Variants in DHX36 observed in about 807,000 individuals in gnomAD.
The protein encoded by DHX36 is ATP-dependent DNA/RNA helicase DHX36.
In DHX36, 50 loss-of-function variants were observed where a neutral mutation model predicts 139.0. The observed-to-expected ratio is 0.36, with a 90% CI of 0.29 to 0.46. The LOEUF is 0.46. DHX36 is among the 20% of genes least tolerant of loss of function. DHX36 has a pLI of 1.00. For synonymous variants in DHX36, 425 were observed against 401.9 expected (o/e 1.06, Z -0.69); for missense variants, 1,024 against 1,211.3 (o/e 0.85, Z 2.29).
In DHX36 at chr3:154,292,672, A is replaced by G. The variant is rs751332755; in HGVS notation, c.1693T>C (p.Tyr565His). The G allele has an allele frequency of 8.7e-6, 14 of 1,613,792 alleles. No homozygotes were observed. Among genetic ancestry groups the G allele is most frequent in the Middle Eastern group, 3.3e-4 (2 of 6,082 alleles). Residue 565 changes from tyrosine (Y) to histidine (H), a missense_variant, in exon 15 of 25, where the codon TAT becomes CAT. Tyr to His is a moderately conservative substitution (Grantham distance 83, BLOSUM62 2). Transcript: ENST00000496811. ...ETSITIDDVV[Y>H]VIDGGKIKET... The stretch of plus-strand genomic sequence containing the variant: ...TTTATTTTTCCTCCATCTATCACAT[A>G]AACGACATCATCTATGGTAATGCTG...
chr3:154,288,759 G>C, intron 17 of DHX36, 107 bp downstream of exon 17: 1 of 510,804 alleles, frequency 2.0e-6, no homozygotes, highest in South Asian at 7.7e-5. Flanking sequence ...TTTGGCATTG[G>C]ACATTATTGG....
chr3:154,306,076 A>G, intron 6 of DHX36, 140 bp downstream of exon 6: 2 of 578,150 alleles, frequency 3.5e-6, no homozygotes, highest in South Asian at 5.3e-5. Context: ...GCAGCAAGTC[A>G]TCTACGCTGC....
chr3:154,296,279 C>G (rs1035633309), intron 12 of DHX36, among the ~76,000 whole-genome samples: 2 of 152,086 alleles, frequency 1.3e-5, no homozygotes, highest in African/African-American at 4.8e-5. Context: ...TCAAGACCAT[C>G]CTGGCTAACA....
intron 1 of DHX36, among the ~76,000 whole-genome samples, chr3:154,322,223 G>A (rs1184309634): frequency 3.9e-5 from 6 of 152,194 alleles, no homozygotes; most frequent in Admixed American, 1.3e-4. Flanking sequence ...AACCTGTTAC[G>A]TTGAAGCCGT....
rs1009578310 is a variant in DHX36 at position 154,324,355 on chromosome 3, C to G, written c.62G>C (p.Gly21Ala). ...RDGGPRSSGG[G>A]YGGGPAGGHG... ...ACCCCCTGCTGGCCCCCCTCCATAG[C>G]CCCCACCGGAGCTGCGGGGACCCCC... Residue 21 changes from glycine to alanine, a missense_variant, in exon 1 of 25, where the codon GGC becomes GCC. Around this residue, in one of 4 missense-constraint regions of DHX36, gnomAD observed 293 missense variants for 274.4 expected, o/e 1.07. Transcript: ENST00000496811. 3 of 1,599,502 alleles carry G rather than the reference C, an allele frequency of 1.9e-6. No homozygotes were observed. In the African/African-American group the frequency reaches 4.0e-5, roughly 21 times the overall value.
At chr3:154,285,524 T>C (rs1711517795) in intron 17 of DHX36, among the ~76,000 whole-genome samples, 1 of 152,070 alleles carries the variant, frequency 6.6e-6, no homozygotes, top group Non-Finnish European at 1.5e-5. Flanking sequence ...AACAAAGAAT[T>C]GTAAATCAAG....
At chr3:154,304,401 G>A (rs1213955525) in intron 8 of DHX36, among the ~76,000 whole-genome samples, 1 of 152,126 alleles carries the variant, frequency 6.6e-6, no homozygotes, top group Non-Finnish European at 1.5e-5. Flanking sequence ...AAAGACTAAG[G>A]AAGACAAAGT....
chr3:154,303,442 T>G, intron 8 of DHX36, 32 bp from the exon 9 acceptor site: 1 of 1,481,536 alleles, frequency 6.7e-7, no homozygotes, highest in African/African-American at 1.4e-5. Context: ...AAGCATAAAT[T>G]TGTACTCAAA....
chr3:154,299,457 A>C (rs1712177194), intron 12 of DHX36, among the ~76,000 whole-genome samples: 1 of 152,152 alleles, frequency 6.6e-6, no homozygotes, highest in Non-Finnish European at 1.5e-5. Context: ...CACTTGAGGA[A>C]TTTTTAACAA....
At chr3:154,280,696 A>G in intron 21 of DHX36, 27 bp from the exon 22 acceptor site, 8 of 1,606,290 alleles carry the variant, frequency 5.0e-6, no homozygotes, top group South Asian at 1.1e-5. Flanking sequence ...GGTAGAGGGG[A>G]AAAGAAAAGT....
At position 154,305,829 on chromosome 3, in the gene DHX36, C is replaced by T. The variant is rs999956904; in HGVS notation, c.893+387G>A. 2.6e-5 allele frequency among the ~76,000 whole-genome samples: 4 copies of T among 152,028 alleles called. No individual in the cohort carries two copies. In the East Asian group the frequency reaches 5.8e-4, roughly 22 times the overall value. ...GGAGTCCTAAGCTCCAGAAAAGGAC[C>T]AACTATGTACTGCACAGTGGAGTTG... On this transcript the variant is annotated intron_variant, in intron 6 of 24. Coordinates refer to ENST00000496811, the MANE Select transcript of DHX36 (RefSeq NM_020865.3).
Position 154,289,765 on chromosome 3 carries a change from A to G in DHX36, c.1876T>C (p.Tyr626His). Reference sequence around the variant, plus strand: ...GTTCTCAAAATTTCTGGCAGTTGATAGTCATCTAGAAGACTTGCTCTAAGA... The same window carrying G: ...GTTCTCAAAATTTCTGGCAGTTGATGGTCATCTAGAAGACTTGCTCTAAGA... Reference protein sequence around the residue: ...NGLRASLLDDYQLPEILRTPL... With the variant: ...NGLRASLLDDHQLPEILRTPL... The change falls in exon 16 of 25, where the codon TAT (tyrosine) becomes CAT (histidine). Residue 626 changes from tyrosine (Y) to histidine (H), a missense_variant. Around this residue, in one of 4 missense-constraint regions of DHX36, gnomAD observed 470 missense variants for 616.2 expected, o/e 0.76. Transcript: ENST00000496811. 6.2e-7 allele frequency: 1 copy of G among 1,613,614 alleles called. No homozygotes were observed. Among genetic ancestry groups the G allele is most frequent in the Non-Finnish European group, 8.5e-7 (1 of 1,179,706 alleles).
chr3:154,302,231 A>G (rs1374290354), intron 9 of DHX36, among the ~76,000 whole-genome samples: 1 of 152,224 alleles, frequency 6.6e-6, no homozygotes, highest in African/African-American at 2.4e-5. Flanking sequence ...GTTCAAGAAG[A>G]AAGTTCCCAG....
chr3:154,311,651 C>A lies in DHX36; in HGVS notation c.627G>T (p.Ser209=), dbSNP rs1433041198. ...EMQHFREKLP[S]YGMQKELVNL... ...AGCACTTTACCTTTTGCATTCCATA[C>A]GAAGGCAGCTTTTCTCTGAAATGCT... The change falls in exon 4 of 25, where the codon TCG becomes TCT. Residue 209 remains serine (S), a synonymous_variant. Transcript: ENST00000496811. 3.8e-6 allele frequency: 6 copies of A among 1,597,160 alleles called. No individual in the cohort carries two copies. The highest frequency in any genetic ancestry group is 5.1e-6 in the Non-Finnish European group (6 of 1,174,944).
At position 154,276,038 on chromosome 3, in the gene DHX36, T is replaced by C; in HGVS notation, c.*133A>G. On this transcript the variant is annotated 3_prime_UTR_variant, in exon 25 of 25. Transcript: ENST00000496811. Reference sequence around the variant, plus strand: ...ACATCAAGTCATGCACATTAAGTCTTTACTACCTACTGAAGGCTTCTACCT... The same window carrying C: ...ACATCAAGTCATGCACATTAAGTCTCTACTACCTACTGAAGGCTTCTACCT... 1 of 651,454 alleles carries C rather than the reference T, an allele frequency of 1.5e-6. No individual in the cohort carries two copies. Among genetic ancestry groups the C allele is most frequent in the Non-Finnish European group, 2.6e-6 (1 of 387,688 alleles). 40.4% of individuals were successfully genotyped at this position (651,454 alleles called of 1,614,324 possible).
chr3:154,310,823 A>ATG (rs1553759632), intron 4 of DHX36, among the ~76,000 whole-genome samples: 6 of 25,114 alleles, frequency 2.4e-4, no homozygotes, highest in African/African-American at 9.7e-4. Flanking sequence ...ATATATATAT[A>ATG]TATATATATA....
intron 15 of DHX36, among the ~76,000 whole-genome samples, chr3:154,291,458 G>C (rs1364416332): frequency 6.6e-6 from 1 of 152,118 alleles, no homozygotes; most frequent in East Asian, 1.9e-4. Flanking sequence ...AGAGGTGATG[G>C]GTCTACATGG....
chr3:154,318,546 C>G (rs1055218539), intron 1 of DHX36, among the ~76,000 whole-genome samples: 2 of 116,418 alleles, frequency 1.7e-5, no homozygotes, highest in Non-Finnish European at 3.8e-5. Context: ...GATAACATAA[C>G]AGTCTACTGA....
At chr3:154,312,594 G>A (rs567973880) in intron 3 of DHX36, among the ~76,000 whole-genome samples, 1 of 151,746 alleles carries the variant, frequency 6.6e-6, no homozygotes, top group East Asian at 2.0e-4. Context: ...TGTAATCCCA[G>A]CACTTTGGGA....
Sources: allele counts gnomAD v4.1 joint callset (sites outside exome capture counted in the v4.1 genomes callset), GRCh38; gene constraint gnomAD v4.1.1; regional missense constraint gnomAD v4.1.1; transcripts MANE v1.5; gene names NCBI Gene and HGNC (gene_info 2026-07-23, HGNC 2026-07-21).